The following FAAP20 variants were observed in gnomAD, a reference collection of about 807,000 sequenced individuals.
FAAP20 encodes Fanconi anemia core complex-associated protein 20.
A neutral mutation model predicts 16.2 loss-of-function variants in FAAP20; 12 were observed. That is an observed-to-expected ratio of 0.74 (90% confidence interval 0.48 to 1.20). The LOEUF is 1.20. Among genes scored for constraint, FAAP20 ranks in the 50% most tolerant of loss-of-function variants. The pLI is 0.00. For missense variants in FAAP20, 288 were observed against 245.8 expected, an observed-to-expected ratio of 1.17 and a Z score of -1.15; for synonymous variants, 141 against 110.7, an observed-to-expected ratio of 1.27 and a Z score of -1.72.
At chr1:2,198,588 C>T, upstream of FAAP20, 1 of 1,010,926 alleles carries the variant, frequency 9.9e-7, no homozygotes, top group Non-Finnish European at 1.3e-6. Flanking sequence ...GGCCCTGAGG[C>T]TGGCAGGCCT....
intron 3 of FAAP20, among the ~76,000 whole-genome samples, chr1:2,205,611 C>T (rs1280618223): frequency 6.6e-6 from 1 of 152,134 alleles, no homozygotes; most frequent in Non-Finnish European, 1.5e-5. Flanking sequence ...AACGAGTTTC[C>T]AGCGTCGAGC....
At chr1:2,186,172 G>A (rs1206443002), downstream of FAAP20, 8 of 421,698 alleles carry the variant, frequency 1.9e-5, no homozygotes, top group South Asian at 1.0e-4. Flanking sequence ...AAATTGCCAC[G>A]CAGCCCTCTT....
downstream of FAAP20, chr1:2,185,014 G>C: frequency 6.2e-7 from 1 of 1,609,506 alleles, no homozygotes; most frequent in Non-Finnish European, 8.5e-7. Flanking sequence ...GTGTGAGGCC[G>C]CGTGCGTCTC....
At chr1:2,198,254 A>T, upstream of FAAP20, 1 of 1,091,834 alleles carries the variant, frequency 9.2e-7, no homozygotes, top group Non-Finnish European at 1.2e-6. Context: ...GGGAGTTTGC[A>T]TCCCAGGCAG....
chr1:2,184,770 G>C, downstream of FAAP20: 1 of 1,482,114 alleles, frequency 6.7e-7, no homozygotes, highest in South Asian at 1.2e-5. Flanking sequence ...ACCTTGGGCA[G>C]CTGGTGACCC....
chr1:2,203,676 T>G (rs1689132151), upstream of FAAP20: 4 of 982,452 alleles, frequency 4.1e-6, no homozygotes, highest in African/African-American at 1.7e-5. Flanking sequence ...GCTGGGCCTG[T>G]CCTCTCTGAG....
chr1:2,189,106 G>C (rs1687871557), downstream of FAAP20, among the ~76,000 whole-genome samples: 2 of 151,946 alleles, frequency 1.3e-5, no homozygotes, highest in African/African-American at 4.8e-5. Flanking sequence ...AAGGCGGGAG[G>C]ATCGCTTGGG....
At chr1:2,205,912 G>A (rs938410123) in intron 3 of FAAP20, among the ~76,000 whole-genome samples, 3 of 152,248 alleles carry the variant, frequency 2.0e-5, no homozygotes, top group African/African-American at 4.8e-5. Flanking sequence ...ACACCTGTCC[G>A]AAGCCTTAAA....
At chr1:2,200,804 G>T, upstream of FAAP20, 3 of 1,013,052 alleles carry the variant, frequency 3.0e-6, no homozygotes, top group Non-Finnish European at 3.6e-6. Flanking sequence ...TGGGCCAAGA[G>T]CTGGAAGGGG....
downstream of FAAP20, among the ~76,000 whole-genome samples, chr1:2,185,832 T>TA (rs1687511618): frequency 6.6e-6 from 1 of 152,258 alleles, no homozygotes; most frequent in Non-Finnish European, 1.5e-5. Context: ...AAGATATTCT[T>TA]ATCTGTCACA....
At chr1:2,196,486 T>C (rs1557786676), upstream of FAAP20, among the ~76,000 whole-genome samples, 1 of 148,468 alleles carries the variant, frequency 6.7e-6, no homozygotes, top group Non-Finnish European at 1.5e-5. This position sits in a 1 kb window ranked among gnomAD's most constrained non-coding sequence, Gnocchi z 4.5. Context: ...TGAGCCCAGG[T>C]AGGTGGGGGC....
At chr1:2,211,558 T>C (rs1438234220), downstream of FAAP20, among the ~76,000 whole-genome samples, 2 of 145,434 alleles carry the variant, frequency 1.4e-5, no homozygotes, top group African/African-American at 5.1e-5. Flanking sequence ...GCCATTCTCC[T>C]GCCTCAGCCT....
At chr1:2,195,995 C>A (rs2503711), upstream of FAAP20, among the ~76,000 whole-genome samples, 71,320 of 151,988 alleles carry the variant, frequency 0.47, 18,121 homozygotes, top group African/African-American at 0.68. Context: ...TGCTGCAGGC[C>A]GTGTGGTCTC....
upstream of FAAP20, among the ~76,000 whole-genome samples, chr1:2,202,591 G>A (rs936398583): frequency 1.3e-5 from 2 of 152,052 alleles, no homozygotes; most frequent in Admixed American, 1.3e-4. Context: ...AGCCTCCCAA[G>A]TAGCTGGGAC....
At position 2,192,632 on chromosome 1, in the gene FAAP20, G is replaced by A. The variant is rs557508398; in HGVS notation, c.470+1007C>T. On this transcript the variant is annotated intron_variant, in intron 3 of 3. Coordinates refer to ENST00000378546, the MANE Select transcript of FAAP20 (RefSeq NM_182533.4). ...GCTCCCAACAGTACCCTCTGTCCGT[G>A]ATTCAGGGTCTTACTCTGTCACCCA... 5.2e-5 allele frequency: 61 copies of A among 1,169,898 alleles called. No homozygotes were observed. In the African/African-American group the frequency reaches 9.3e-4, roughly 18 times the overall value. The allele number at this position is 1,169,898 out of a possible 1,614,324, so 72.5% of individuals were successfully genotyped here.
downstream of FAAP20, among the ~76,000 whole-genome samples, chr1:2,211,399 T>TTATATATATATATATATA (rs1158545722): frequency 4.8e-5 from 1 of 21,002 alleles, no homozygotes; most frequent in Non-Finnish European, 8.3e-5. Context: ...CTGGCTAATT[T>TTATATATATATATATATA]TATATATATA....
At chr1:2,209,511 C>T (rs1399506415), downstream of FAAP20, among the ~76,000 whole-genome samples, 1 of 152,248 alleles carries the variant, frequency 6.6e-6, no homozygotes, top group African/African-American at 2.4e-5. Flanking sequence ...CATTTCCACA[C>T]TCACCCACCC....
Position 2,189,726 on chromosome 1 carries a change from C to G in FAAP20, c.526G>C (p.Glu176Gln), listed in dbSNP as rs1469928482. Reference sequence around the variant, plus strand: ...GATGGCGCTCACCACGTCACGTCTTCTGTGCTTTCGGCCAAGCACTGGGCC... The same window carrying G: ...GATGGCGCTCACCACGTCACGTCTTGTGTGCTTTCGGCCAAGCACTGGGCC... Reference protein sequence around the residue: ...HLAQCLAESTEDVTW With the variant: ...HLAQCLAESTQDVTW Residue 176 changes from glutamate (E) to glutamine (Q), a missense_variant, in exon 4 of 4, where the codon GAA becomes CAA. By Grantham distance (29) the Glu-to-Gln change is conservative. Coordinates refer to ENST00000378546, the MANE Select transcript of FAAP20 (RefSeq NM_182533.4). 1 of 1,610,662 alleles carries G rather than the reference C, an allele frequency of 6.2e-7. No homozygotes were observed. Among genetic ancestry groups the G allele is most frequent in the Non-Finnish European group, 8.5e-7 (1 of 1,178,372 alleles).
At chr1:2,185,273 G>C (rs1292561508), downstream of FAAP20, 2 of 716,550 alleles carry the variant, frequency 2.8e-6, no homozygotes, top group Non-Finnish European at 5.2e-6. Flanking sequence ...CTGCCGAGGG[G>C]GCTGTCATGC....
Sources: allele counts gnomAD v4.1 joint callset (sites outside exome capture counted in the v4.1 genomes callset), GRCh38; gene constraint gnomAD v4.1.1; non-coding constraint Gnocchi (gnomAD v3.1); transcripts MANE v1.5; gene names NCBI Gene and HGNC (gene_info 2026-07-23, HGNC 2026-07-21).